RABGAP1: variants seen among roughly 807,000 people sequenced by gnomAD.
RABGAP1 encodes the protein RAB GTPase activating protein 1, also known as rab GTPase-activating protein 1.
In RABGAP1, 23 loss-of-function variants were observed where a neutral mutation model predicts 137.6. The observed-to-expected ratio is 0.17, with a 90% confidence interval of 0.12 to 0.24. RABGAP1 has a LOEUF of 0.24. Ranked by LOEUF, RABGAP1 falls within the 10% of genes least tolerant of loss-of-function variation. The pLI is 1.00. For missense variants in RABGAP1, 906 were observed against 1,275.8 expected (o/e 0.71, Z 4.42); for synonymous variants, 451 against 450.7 (o/e 1.00, Z -0.01).
chr9:123,028,078 G>T (rs1291525808), intron 13 of RABGAP1, among the ~76,000 whole-genome samples: 2 of 152,158 alleles, frequency 1.3e-5, no homozygotes, highest in Non-Finnish European at 2.9e-5. Flanking sequence ...GTTTGTCCAT[G>T]TTAAAATTGC....
chr9:122,967,919 G>C (rs1835256022), intron 2 of RABGAP1, among the ~76,000 whole-genome samples: 1 of 151,860 alleles, frequency 6.6e-6, no homozygotes, highest in African/African-American at 2.4e-5. Context: ...GTAGAGATGG[G>C]GTTTTACCAT....
At chr9:122,998,171 C>G (rs770255647) in intron 9 of RABGAP1, among the ~76,000 whole-genome samples, 1 of 152,074 alleles carries the variant, frequency 6.6e-6, no homozygotes, top group African/African-American at 2.4e-5. Flanking sequence ...ACAATCTTGG[C>G]TCACTGCGGC....
intron 1 of RABGAP1, among the ~76,000 whole-genome samples, chr9:122,949,146 C>T (rs1834091736): frequency 2.6e-5 from 4 of 151,950 alleles, no homozygotes; most frequent in Admixed American, 2.6e-4. Flanking sequence ...GAGGCTGAGG[C>T]AGGTGGATCA....
chr9:122,977,176 A>G (rs1157083754), intron 2 of RABGAP1, among the ~76,000 whole-genome samples: 1 of 152,208 alleles, frequency 6.6e-6, no homozygotes, highest in African/African-American at 2.4e-5. Context: ...AATGGTGGCC[A>G]TATGTGAAAG....
chr9:123,057,262 G>A (rs1465621805), intron 13 of RABGAP1, among the ~76,000 whole-genome samples: 13 of 151,540 alleles, frequency 8.6e-5, no homozygotes, highest in East Asian at 3.9e-4. Flanking sequence ...CAGATGGGGC[G>A]GCTGCTGGGC....
At chr9:122,978,561 G>T (rs1030173039) in intron 2 of RABGAP1, among the ~76,000 whole-genome samples, 2 of 152,204 alleles carry the variant, frequency 1.3e-5, no homozygotes, top group African/African-American at 2.4e-5. Flanking sequence ...CTTGAGCCCA[G>T]AAGTTTGAGG....
At chr9:123,019,706 G>GTTTGT (rs1564137313) in intron 12 of RABGAP1, among the ~76,000 whole-genome samples, 1 of 145,396 alleles carries the variant, frequency 6.9e-6, no homozygotes, top group African/African-American at 2.6e-5. Context: ...TTGTTTGTTT[G>GTTTGT]TTTTGAGACA....
intron 10 of RABGAP1, among the ~76,000 whole-genome samples, chr9:123,005,865 G>A (rs573164250): frequency 3.1e-4 from 47 of 152,308 alleles, no homozygotes; most frequent in Middle Eastern, 6.8e-3. Context: ...TGTAACCATG[G>A]ACAGGGTATG....
At chr9:123,014,365 A>G (rs963339959) in intron 11 of RABGAP1, among the ~76,000 whole-genome samples, 1 of 152,190 alleles carries the variant, frequency 6.6e-6, no homozygotes, top group Non-Finnish European at 1.5e-5. Flanking sequence ...TTTCTTTTAT[A>G]AATTAATATT....
rs1837046599 is a variant in RABGAP1, at chr9:122,996,876, A to G, written c.1101+271A>G. ...AGTTGATGTGATAATCAAAAGAGAA[A>G]ATTTATTAAAGAATGATTTATAGAC... On this transcript the variant is annotated intron_variant, in intron 8 of 25. Transcript: ENST00000373647. 4 of 442,134 alleles carry G rather than the reference A, an allele frequency of 9.0e-6. No homozygotes were observed. In the Admixed American group the frequency reaches 1.1e-4, roughly 12 times the overall value. The allele number at this position is 442,134 out of a possible 1,614,324, so 27.4% of individuals were successfully genotyped here.
intron 17 of RABGAP1, among the ~76,000 whole-genome samples, chr9:123,075,956 T>C (rs1188064352): frequency 6.6e-6 from 1 of 152,206 alleles, no homozygotes; most frequent in East Asian, 1.9e-4. Flanking sequence ...ATCACAACTT[T>C]ATGACTGATC....
chr9:122,958,540 C>T (rs975727381), intron 2 of RABGAP1, among the ~76,000 whole-genome samples: 13 of 151,458 alleles, frequency 8.6e-5, no homozygotes, highest in Admixed American at 2.0e-4. Context: ...AGGGGCCTGT[C>T]GTGGGGTGGG....
chr9:122,945,398 CCCT>C (rs1833896260), intron 1 of RABGAP1: 1 of 152,016 alleles, frequency 6.6e-6, no homozygotes, highest in Non-Finnish European at 1.5e-5. Context: ...CTGAAAGTTT[CCCT>C]CCTCTTTCCA....
chr9:123,047,916 T>TG (rs2033278128), intron 13 of RABGAP1, among the ~76,000 whole-genome samples: 1 of 125,196 alleles, frequency 8.0e-6, no homozygotes, highest in Non-Finnish European at 1.7e-5. Flanking sequence ...TTACAGCTGC[T>TG]GGGTTTTTTT....
At chr9:122,998,518 A>G in intron 9 of RABGAP1, 79 bp from the exon 10 acceptor site, 1 of 1,196,088 alleles carries the variant, frequency 8.4e-7, no homozygotes, top group African/African-American at 1.5e-5. Flanking sequence ...AATAAAAGTA[A>G]TAGCTTTTAT....
At chr9:123,057,345 C>T (rs1351947232) in intron 13 of RABGAP1, among the ~76,000 whole-genome samples, 7 of 150,214 alleles carry the variant, frequency 4.7e-5, no homozygotes, top group South Asian at 2.1e-4. Context: ...ACGGGGCGGC[C>T]GGGCAGAGAC....
chr9:123,028,225 C>T (rs2131965960), intron 13 of RABGAP1, among the ~76,000 whole-genome samples: 1 of 152,276 alleles, frequency 6.6e-6, no homozygotes, highest in Non-Finnish European at 1.5e-5. Context: ...CCTTTTGTTT[C>T]ATTGGACATT....
intron 1 of RABGAP1, among the ~76,000 whole-genome samples, chr9:122,942,287 C>A (rs994855930): frequency 3.3e-5 from 5 of 152,050 alleles, no homozygotes; most frequent in African/African-American, 1.2e-4. Flanking sequence ...GTTCATCCAA[C>A]TTTTTTTTAA....
intron 1 of RABGAP1, among the ~76,000 whole-genome samples, chr9:122,951,812 A>G (rs1249387649): frequency 6.6e-6 from 1 of 151,918 alleles, no homozygotes; most frequent in Non-Finnish European, 1.5e-5. Flanking sequence ...GCCTCAAGCG[A>G]CCCTCCCACC....
Sources: allele counts gnomAD v4.1 joint callset (sites outside exome capture counted in the v4.1 genomes callset), GRCh38; gene constraint gnomAD v4.1.1; transcripts MANE v1.5; gene names NCBI Gene and HGNC (gene_info 2026-07-23, HGNC 2026-07-21).